Variants in CARS1 observed in about 807,000 individuals in gnomAD.
CARS1 encodes the protein cysteinyl-tRNA synthetase 1, also known as cysteine--tRNA ligase, cytoplasmic.
Under a neutral mutation model 106.2 loss-of-function variants are expected in CARS1, and 48 were observed. The ratio of observed to expected loss-of-function variants is 0.45; its 90% CI spans 0.36 to 0.57. The LOEUF is 0.57. CARS1 is among the 20% of genes least tolerant of loss of function. CARS1 has a pLI of 0.00. For missense variants in CARS1, 968 were observed against 1,057.2 expected (o/e 0.92, Z 1.17); for synonymous variants, 409 against 403.4 (o/e 1.01, Z -0.17).
Position 3,029,503 on chromosome 11 carries a change from G to A in CARS1, c.802-60C>T, listed in dbSNP as rs900536577. The A allele has an allele frequency of 1.3e-5, 21 of 1,579,990 alleles. No homozygotes were observed. The highest frequency in any genetic ancestry group is 1.7e-5 in the Admixed American group (1 of 59,144). ...CACACACTTCACATGAGAACATCTC[G>A]TGCAGCTGGTGTGAGCCCATCAGTG... is the stretch of plus-strand genomic sequence containing the variant. On this transcript the variant is annotated intron_variant, in intron 7 of 22. Coordinates refer to ENST00000380525, the MANE Select transcript of CARS1 (RefSeq NM_001014437.3). This position sits in a 1 kb window ranked among gnomAD's most constrained non-coding sequence, Gnocchi z 5.9.
rs1446680397 is a variant in CARS1 at position 3,050,574 on chromosome 11, G to T, written c.26-2573C>A. ...CCCTCACAGCCACAGGCCTCCAGCG[G>T]CCCTGCTGAAAAGCGCACGTTCACA... is the stretch of plus-strand genomic sequence containing the variant. On this transcript the variant is annotated intron_variant, in intron 1 of 22. Transcript: ENST00000380525. This position sits in a 1 kb window ranked among gnomAD's most constrained non-coding sequence, Gnocchi z 6.3. Among the ~76,000 whole-genome samples the T allele has an allele frequency of 6.6e-6, 1 of 152,182 alleles. No individual in the cohort carries two copies. The highest frequency in any genetic ancestry group is 2.4e-5 in the African/African-American group (1 of 41,440).
At position 3,044,629 on chromosome 11, in the gene CARS1, T is replaced by C. The variant is rs1208944792; in HGVS notation, c.275-2373A>G. On this transcript the variant is annotated intron_variant, in intron 2 of 22. Coordinates refer to ENST00000380525, the MANE Select transcript of CARS1 (RefSeq NM_001014437.3). The surrounding 1 kb of genome is among the most constrained non-coding windows in gnomAD (Gnocchi z 4.4). The stretch of plus-strand genomic sequence containing the variant: ...CCAGGCTGGTCTCAAACTCCTGACC[T>C]TGTGATCTGCCTGCCTTGGCCTCCT... 2.0e-5 allele frequency among the ~76,000 whole-genome samples: 3 copies of C among 152,116 alleles called. No individual in the cohort carries two copies. The highest frequency in any genetic ancestry group is 4.4e-5 in the Non-Finnish European group (3 of 68,000).
chr11:3,006,807 C>G (rs753288955), intron 19 of CARS1, 72 bp downstream of exon 19: 3 of 1,195,668 alleles, frequency 2.5e-6, no homozygotes, highest in Non-Finnish European at 3.8e-6. Flanking sequence ...TCAGCCCAGC[C>G]CCGGGAGCTC....
At position 3,040,916 on chromosome 11, in the gene CARS1, T is replaced by C. The variant is rs1360451695; in HGVS notation, c.435A>G (p.Ala145=). The part of the protein sequence containing the change: ...WYCCGPTVYD[A]SHMGHARSYI... ...CCTACCTGGCGTGCCCCATGTGAGA[T>C]GCGTCATAGACGGTTGGCCCACAGC... Residue 145 remains alanine, a synonymous_variant, in exon 4 of 23, where the codon GCA becomes GCG. Transcript: ENST00000380525. The surrounding 1 kb of genome is among the most constrained non-coding windows in gnomAD (Gnocchi z 5.8). 1 of 1,614,028 alleles carries C rather than the reference T, an allele frequency of 6.2e-7. No individual in the cohort carries two copies. Among genetic ancestry groups the C allele is most frequent in the Non-Finnish European group, 8.5e-7 (1 of 1,180,032 alleles).
At position 3,003,431 on chromosome 11, in the gene CARS1, T is replaced by A. The variant is rs1173421507; in HGVS notation, c.2218-831A>T. ...ACATTTACTTTGGACAGCCTAGATA[T>A]CAGAGGCTTCCTGGCCCAGTGGAGC... On this transcript the variant is annotated intron_variant, in intron 20 of 22. Coordinates refer to ENST00000380525, the MANE Select transcript of CARS1 (RefSeq NM_001014437.3). This position sits in a 1 kb window ranked among gnomAD's most constrained non-coding sequence, Gnocchi z 4.8. Among the ~76,000 whole-genome samples the A allele has an allele frequency of 6.6e-6, 1 of 152,152 alleles. No individual in the cohort carries two copies. Among genetic ancestry groups the A allele is most frequent in the East Asian group, 1.9e-4 (1 of 5,194 alleles).
rs1284853018 is a variant in CARS1, at chr11:3,040,392, T to C, written c.456-461A>G. ...AGGTTGTTCAAGGGTTGACTATACA[T>C]GACCTTGGCACTGCAACTAAAACAT... On this transcript the variant is annotated intron_variant, in intron 4 of 22. Coordinates refer to ENST00000380525, the MANE Select transcript of CARS1 (RefSeq NM_001014437.3). The surrounding 1 kb of genome is among the most constrained non-coding windows in gnomAD (Gnocchi z 5.8). 5 of 387,204 alleles carry C rather than the reference T, an allele frequency of 1.3e-5. No individual in the cohort carries two copies. The highest frequency in any genetic ancestry group is 2.5e-5 in the Non-Finnish European group (5 of 196,656). The allele number at this position is 387,204 out of a possible 1,614,324, so 24.0% of individuals were successfully genotyped here. A position where few individuals can be genotyped will look rare whatever the true frequency, so the allele number is the denominator to read the frequency against.
At chr11:3,007,734 TCTGTGGCTGA>T (rs75408548) in intron 18 of CARS1, 54,992 of 151,818 alleles carry the variant, frequency 0.36, 10,290 homozygotes, top group South Asian at 0.4. Flanking sequence ...AACCCATGTG[TCTGTGGCTGA>T]CTTCAGAGCG....
chr11:3,052,907 C>T lies in CARS1; in HGVS notation c.25+4436G>A, dbSNP rs749298838. Among the ~76,000 whole-genome samples the T allele has an allele frequency of 3.3e-5, 5 of 152,260 alleles. No individual in the cohort carries two copies. Among genetic ancestry groups the T allele is most frequent in the Non-Finnish European group, 7.3e-5 (5 of 68,052 alleles). Reference sequence around the variant, plus strand: ...CCCTCATCGTAGAGCCTGCACGCTCCGTGCCGAAACTCCTGCTCTGCCCCC... The same window carrying T: ...CCCTCATCGTAGAGCCTGCACGCTCTGTGCCGAAACTCCTGCTCTGCCCCC... On this transcript the variant is annotated intron_variant, in intron 1 of 22. Transcript: ENST00000380525. This position sits in a 1 kb window ranked among gnomAD's most constrained non-coding sequence, Gnocchi z 4.6.
At chr11:3,036,213 C>T (rs1366696699) in intron 7 of CARS1, among the ~76,000 whole-genome samples, 2 of 152,234 alleles carry the variant, frequency 1.3e-5, no homozygotes, top group Non-Finnish European at 1.5e-5. Flanking sequence ...TTCTGCTCCT[C>T]GCTGTGTCAC....
intron 7 of CARS1, among the ~76,000 whole-genome samples, chr11:3,032,035 CCTCCCTCCCTCCCTCCCTCCCTCCCTCCT>C (rs1590437541): frequency 8.9e-5 from 2 of 22,358 alleles, no homozygotes; most frequent in South Asian, 8.3e-3. Context: ...TCCCTCCCTC[CCTCCCTCCCTCCCTCCCTCCCTCCCTCCT>C]TCCTTCCTTC....
Position 3,001,902 on chromosome 11 carries a change from C to A in CARS1, c.2361+68G>T, listed in dbSNP as rs112696077. On this transcript the variant is annotated intron_variant, in intron 22 of 22. Coordinates refer to ENST00000380525, the MANE Select transcript of CARS1 (RefSeq NM_001014437.3). The stretch of plus-strand genomic sequence containing the variant: ...ATCTGCTTGTCCAAGGTTGAAAATT[C>A]CTGTCCTCCCACTTTAATGTGGTCT... 1.6e-5 allele frequency: 19 copies of A among 1,222,466 alleles called. No homozygotes were observed. In the African/African-American group the frequency reaches 2.1e-4, roughly 13 times the overall value. The allele number at this position is 1,222,466 out of a possible 1,614,324, so 75.7% of individuals were successfully genotyped here. A position where few individuals can be genotyped will look rare whatever the true frequency, so the allele number is the denominator to read the frequency against.
chr11:3,017,779 C>T lies in CARS1; in HGVS notation c.1727+78G>A. On this transcript the variant is annotated intron_variant, in intron 15 of 22. Coordinates refer to ENST00000380525, the MANE Select transcript of CARS1 (RefSeq NM_001014437.3). This position sits in a 1 kb window ranked among gnomAD's most constrained non-coding sequence, Gnocchi z 4.9. ...CCAGCCCTTCCTCGACAGTCCAGGACACATGGTGGCCAAGATGCGAGGCTA... is the reference window on the plus strand; with the variant it reads ...CCAGCCCTTCCTCGACAGTCCAGGATACATGGTGGCCAAGATGCGAGGCTA... The T allele has an allele frequency of 1.1e-6, 1 of 946,082 alleles. No homozygotes were observed. Among genetic ancestry groups the T allele is most frequent in the Admixed American group, 1.8e-5 (1 of 55,902 alleles). 58.6% of individuals were successfully genotyped at this position (946,082 alleles called of 1,614,324 possible). A position where few individuals can be genotyped will look rare whatever the true frequency, so the allele number is the denominator to read the frequency against.
At chr11:3,031,455 T>C (rs978618949) in intron 7 of CARS1, 4 of 152,150 alleles carry the variant, frequency 2.6e-5, no homozygotes, top group African/African-American at 9.7e-5. Flanking sequence ...GAATACTCAA[T>C]GTTGCTGGTC....
chr11:3,048,798 T>C lies in CARS1; in HGVS notation c.26-797A>G, dbSNP rs1855371080. On this transcript the variant is annotated intron_variant, in intron 1 of 22. Coordinates refer to ENST00000380525, the MANE Select transcript of CARS1 (RefSeq NM_001014437.3). This position sits in a 1 kb window ranked among gnomAD's most constrained non-coding sequence, Gnocchi z 5.1. ...AGAAAGCACAGGGCTGCCAGGAAAA[T>C]GTGGCTGCTCCAGCCAGCCTCACCT... is the stretch of plus-strand genomic sequence containing the variant. Among the ~76,000 whole-genome samples the C allele has an allele frequency of 2.0e-5, 3 of 152,244 alleles. 1 individual carries two copies. The South Asian group carries it at 6.2e-4, about 32-fold the overall frequency.
Position 3,044,607 on chromosome 11 carries a change from G to A in CARS1, c.275-2351C>T, listed in dbSNP as rs1281109117. On this transcript the variant is annotated intron_variant, in intron 2 of 22. Transcript: ENST00000380525. The surrounding 1 kb of genome is among the most constrained non-coding windows in gnomAD (Gnocchi z 4.4). ...GGATGGGGTTTCACCATATTGGCCA[G>A]GCTGGTCTCAAACTCCTGACCTTGT... 6.6e-6 allele frequency among the ~76,000 whole-genome samples: 1 copy of A among 152,126 alleles called. No individual in the cohort carries two copies. Among genetic ancestry groups the A allele is most frequent in the East Asian group, 1.9e-4 (1 of 5,188 alleles).
intron 16 of CARS1, among the ~76,000 whole-genome samples, chr11:3,016,167 A>G (rs1217509926): frequency 6.6e-6 from 1 of 151,404 alleles, no homozygotes; most frequent in Non-Finnish European, 1.5e-5. Flanking sequence ...ACTGCGGGGA[A>G]GGGCTCTGCA....
intron 3 of CARS1, 42 bp downstream of exon 3, chr11:3,042,122 TC>T: frequency 6.8e-7 from 1 of 1,465,208 alleles, no homozygotes; most frequent in Non-Finnish European, 9.6e-7. Flanking sequence ...GCCTCCTGCC[TC>T]CCCATTGTGT....
Position 3,053,556 on chromosome 11 carries a change from G to A in CARS1, c.25+3787C>T, listed in dbSNP as rs1180120605. Among the ~76,000 whole-genome samples the A allele has an allele frequency of 1.3e-5, 2 of 152,018 alleles. No homozygotes were observed. The highest frequency in any genetic ancestry group is 1.9e-4 in the East Asian group (1 of 5,186). ...TCCTGTAAGCATTTAAACCTCTCCC[G>A]GCTGCCCTGTTTCTCTTCCTGCGTT... On this transcript the variant is annotated intron_variant, in intron 1 of 22. Transcript: ENST00000380525. This position sits in a 1 kb window ranked among gnomAD's most constrained non-coding sequence, Gnocchi z 6.6.
chr11:3,019,860 G>T lies in CARS1; in HGVS notation c.1266+360C>A, dbSNP rs1851408495. Among the ~76,000 whole-genome samples the T allele has an allele frequency of 6.6e-6, 1 of 152,130 alleles. No individual in the cohort carries two copies. The highest frequency in any genetic ancestry group is 1.5e-5 in the Non-Finnish European group (1 of 68,010). On this transcript the variant is annotated intron_variant, in intron 11 of 22. Transcript: ENST00000380525. This position sits in a 1 kb window ranked among gnomAD's most constrained non-coding sequence, Gnocchi z 6.2. Reference sequence around the variant, plus strand: ...GTCACGCCCCTTCCTAGGGTACCCTGCAGTCAACAACTCCTGTCACCGGGA... The same window carrying T: ...GTCACGCCCCTTCCTAGGGTACCCTTCAGTCAACAACTCCTGTCACCGGGA...
Sources: gnomAD v4.1 joint callset for allele counts (sites outside exome capture counted in the v4.1 genomes callset) on GRCh38, gnomAD v4.1.1 for gene constraint, Gnocchi (gnomAD v3.1) non-coding constraint, MANE v1.5 for transcripts, NCBI Gene and HGNC (gene_info 2026-07-23, HGNC 2026-07-21) for gene names.